Variants in CCDC148 observed in about 807,000 individuals in gnomAD.
CCDC148 encodes coiled-coil domain-containing protein 148.
Under a neutral mutation model 85.7 loss-of-function variants are expected in CCDC148, and 89 were observed. That is an observed-to-expected ratio of 1.04 (90% CI 0.87 to 1.24). The LOEUF (loss-of-function observed/expected upper bound fraction) is 1.24, where lower values mean the gene tolerates loss of function less well. Ranked by LOEUF, CCDC148 falls within the 50% of genes most tolerant of loss-of-function variation. The pLI is 0.00. For synonymous variants in CCDC148, 230 were observed against 213.9 expected, an observed-to-expected ratio of 1.08 and a Z score of -0.66; for missense variants, 692 against 671.7, an observed-to-expected ratio of 1.03 and a Z score of -0.33.
chr2:158,449,457 T>TC (rs1688301284), intron 1 of CCDC148, among the ~76,000 whole-genome samples: 1 of 151,398 alleles, frequency 6.6e-6, no homozygotes, highest in African/African-American at 2.4e-5. Flanking sequence ...TTGGTTTCTT[T>TC]TTTTTTTTCC....
chr2:158,453,104 T>G (rs1294694765), intron 1 of CCDC148, among the ~76,000 whole-genome samples: 1 of 152,246 alleles, frequency 6.6e-6, no homozygotes, highest in Non-Finnish European at 1.5e-5. Flanking sequence ...AACAAAGGAC[T>G]AATAAATATT....
chr2:158,294,628 A>G (rs1049458467), intron 9 of CCDC148, among the ~76,000 whole-genome samples: 2 of 152,118 alleles, frequency 1.3e-5, no homozygotes, highest in African/African-American at 4.8e-5. Context: ...GTTGTAGACC[A>G]ACCGGGGCAA....
chr2:158,331,612 A>C (rs1693127579), intron 7 of CCDC148, among the ~76,000 whole-genome samples: 2 of 152,096 alleles, frequency 1.3e-5, no homozygotes, highest in Non-Finnish European at 1.5e-5. Context: ...GGGGTGTTAA[A>C]GTCTCCCATT....
At chr2:158,313,634 T>C in intron 8 of CCDC148, 122 bp downstream of exon 8, 1 of 1,020,948 alleles carries the variant, frequency 9.8e-7, no homozygotes, top group Non-Finnish European at 1.4e-6. Context: ...CCCTATTATT[T>C]TCTAGAGGGT....
At chr2:158,280,104 C>T (rs1690196042) in intron 9 of CCDC148, among the ~76,000 whole-genome samples, 2 of 151,914 alleles carry the variant, frequency 1.3e-5, no homozygotes, top group African/African-American at 4.8e-5. Context: ...CCAGGCCTGC[C>T]CTAAAAGAGC....
intron 9 of CCDC148, among the ~76,000 whole-genome samples, chr2:158,285,371 A>G (rs1408332533): frequency 2.6e-5 from 4 of 152,120 alleles, no homozygotes; most frequent in African/African-American, 9.7e-5. Context: ...AAGCTAGATT[A>G]GAAGAAACTC....
At chr2:158,382,814 G>C (rs529968184) in intron 1 of CCDC148, among the ~76,000 whole-genome samples, 11 of 151,708 alleles carry the variant, frequency 7.3e-5, no homozygotes, top group Non-Finnish European at 1.5e-4. Flanking sequence ...CCAGCTACTC[G>C]GGAGGCTGAG....
intron 10 of CCDC148, among the ~76,000 whole-genome samples, chr2:158,228,740 T>C (rs1319472789): frequency 7.1e-6 from 1 of 140,004 alleles, no homozygotes; most frequent in East Asian, 2.1e-4. Context: ...TTCTCACTCA[T>C]AGGTGGGAAT....
intron 1 of CCDC148, among the ~76,000 whole-genome samples, chr2:158,368,802 C>A (rs769628030): frequency 2.0e-5 from 3 of 151,834 alleles, no homozygotes; most frequent in Non-Finnish European, 2.9e-5. Context: ...TGATATTTAT[C>A]TATTTATGAC....
intron 1 of CCDC148, among the ~76,000 whole-genome samples, chr2:158,402,699 CTT>C (rs1205965963): frequency 6.6e-6 from 1 of 152,026 alleles, no homozygotes; most frequent in Non-Finnish European, 1.5e-5. Flanking sequence ...TGAGAAGAGA[CTT>C]TTAAAAGTTG....
At position 158,237,076 on chromosome 2, in the gene CCDC148, ACATCTG is replaced by A. The variant is rs528558905; in HGVS notation, c.1251+13690_1251+13695del. On this transcript the variant is annotated intron_variant, in intron 10 of 13. Transcript: ENST00000283233. ...TGCTGTGCAGGAGTGAGTCATGCAG[ACATCTG>A]GGAGAGCAGTGCTCCAAACCTGAGC... Among the ~76,000 whole-genome samples, 715 of 152,280 alleles carry A rather than the reference ACATCTG, an allele frequency of 4.7e-3. 1 individual carries two copies. The highest frequency in any genetic ancestry group is 0.016 in the African/African-American group (648 of 41,566).
At chr2:158,322,694 G>C (rs965953284) in intron 7 of CCDC148, among the ~76,000 whole-genome samples, 14 of 151,962 alleles carry the variant, frequency 9.2e-5, no homozygotes, top group African/African-American at 3.4e-4. Flanking sequence ...GTAGAATAAA[G>C]CTACTAACAA....
chr2:158,245,731 TG>T (rs1166688435), intron 10 of CCDC148, among the ~76,000 whole-genome samples: 1 of 152,214 alleles, frequency 6.6e-6, no homozygotes, highest in Non-Finnish European at 1.5e-5. Context: ...AAGGGTGGTA[TG>T]GGAACCAATA....
chr2:158,354,751 C>G (rs926153708), intron 2 of CCDC148, among the ~76,000 whole-genome samples: 9 of 150,288 alleles, frequency 6.0e-5, no homozygotes, highest in Non-Finnish European at 1.5e-5. Context: ...ATTCTGATAC[C>G]AAAGCCGGGC....
intron 1 of CCDC148, among the ~76,000 whole-genome samples, chr2:158,405,392 T>C (rs1212012168): frequency 1.3e-5 from 2 of 152,158 alleles, no homozygotes; most frequent in Non-Finnish European, 2.9e-5. Flanking sequence ...CTCTTATAAC[T>C]ATAAGCTTCA....
intron 13 of CCDC148, among the ~76,000 whole-genome samples, chr2:158,174,652 T>C (rs34756855): frequency 0.027 from 4,108 of 152,136 alleles, 119 homozygotes; most frequent in East Asian, 0.13. Flanking sequence ...ATATAGGCCA[T>C]TGCTCCTAGG....
intron 1 of CCDC148, among the ~76,000 whole-genome samples, chr2:158,413,525 C>A (rs760304750): frequency 6.6e-6 from 1 of 151,884 alleles, no homozygotes; most frequent in Non-Finnish European, 1.5e-5. Flanking sequence ...AGGTTAGCTA[C>A]TAAGGATAAA....
intron 1 of CCDC148, among the ~76,000 whole-genome samples, chr2:158,433,920 G>A (rs1325358904): frequency 6.6e-6 from 1 of 152,218 alleles, no homozygotes. Context: ...CAGCGAGGCT[G>A]GGGGAGGGGC....
intron 1 of CCDC148, among the ~76,000 whole-genome samples, chr2:158,440,206 A>T (rs1687871891): frequency 6.6e-6 from 1 of 152,100 alleles, no homozygotes; most frequent in African/African-American, 2.4e-5. Context: ...TGTTGACAAG[A>T]ATGTGGAATA....
Sources: allele counts gnomAD v4.1 joint callset (sites outside exome capture counted in the v4.1 genomes callset), GRCh38; gene constraint gnomAD v4.1.1; transcripts MANE v1.5; gene names NCBI Gene and HGNC (gene_info 2026-07-23, HGNC 2026-07-21).